VSTM5: variants seen among roughly 807,000 people sequenced by gnomAD.
VSTM5 encodes V-set and transmembrane domain containing 5, also known as V-set and transmembrane domain-containing protein 5.
A neutral mutation model predicts 20.3 loss-of-function variants in VSTM5; 21 were observed. That is an observed-to-expected ratio of 1.03 (90% CI 0.73 to 1.49). The LOEUF (loss-of-function observed/expected upper bound fraction) is 1.49, where lower values mean the gene tolerates loss of function less well. Ranked by LOEUF, VSTM5 falls within the 40% of genes most tolerant of loss-of-function variation. The probability of loss-of-function intolerance (pLI) is 0.00; values close to 1 mark genes in which losing one functional copy is unlikely to be tolerated. For missense variants in VSTM5, 219 were observed against 250.0 expected (o/e 0.88, Z 0.84); for synonymous variants, 100 against 102.5 (o/e 0.98, Z 0.14).
At chr11:93,826,944 T>G (rs559742726) in intron 1 of VSTM5, among the ~76,000 whole-genome samples, 5 of 152,314 alleles carry the variant, frequency 3.3e-5, no homozygotes, top group African/African-American at 9.6e-5. Context: ...AGGAAAGACA[T>G]TTGATATAAT....
chr11:93,840,060 C>T (rs996087374), intron 1 of VSTM5, among the ~76,000 whole-genome samples: 3 of 152,188 alleles, frequency 2.0e-5, no homozygotes, highest in Non-Finnish European at 4.4e-5. Context: ...GGAATAGTCC[C>T]TCTTACAGGC....
intron 1 of VSTM5, among the ~76,000 whole-genome samples, chr11:93,848,095 A>C (rs1158671930): frequency 6.6e-6 from 1 of 152,118 alleles, no homozygotes. Context: ...GAATATATGA[A>C]TCTTGGGAGG....
intron 1 of VSTM5, among the ~76,000 whole-genome samples, chr11:93,832,099 C>T (rs1286184136): frequency 6.6e-6 from 1 of 152,180 alleles, no homozygotes; most frequent in East Asian, 1.9e-4. Context: ...ATATGTGTCA[C>T]TGTTGTCATA....
chr11:93,838,664 G>A (rs1364424910), intron 1 of VSTM5, among the ~76,000 whole-genome samples: 1 of 149,378 alleles, frequency 6.7e-6, no homozygotes, highest in South Asian at 2.1e-4. Flanking sequence ...TGGGTGTGGC[G>A]CTGGCGCCTG....
At chr11:93,840,817 AGTGC>A (rs2135738046) in intron 1 of VSTM5, among the ~76,000 whole-genome samples, 1 of 152,294 alleles carries the variant, frequency 6.6e-6, no homozygotes, top group East Asian at 1.9e-4. Flanking sequence ...ATTTCTAACA[AGTGC>A]TTCTGAGGCA....
intron 1 of VSTM5, among the ~76,000 whole-genome samples, chr11:93,841,602 G>A (rs1944370664): frequency 6.6e-6 from 1 of 152,216 alleles, no homozygotes; most frequent in Admixed American, 6.5e-5. Context: ...GGGTGACACT[G>A]CTGGTGGTCC....
intron 1 of VSTM5, among the ~76,000 whole-genome samples, chr11:93,832,607 C>G (rs1944291502): frequency 6.6e-6 from 1 of 152,144 alleles, no homozygotes; most frequent in Admixed American, 6.5e-5. Context: ...GAGTCTGAGC[C>G]TTAGATTCTT....
chr11:93,839,492 A>G (rs1346520401), intron 1 of VSTM5, among the ~76,000 whole-genome samples: 2 of 152,214 alleles, frequency 1.3e-5, no homozygotes, highest in African/African-American at 2.4e-5. Context: ...TGTTTTCTTC[A>G]GGCATAAAGT....
intron 1 of VSTM5, among the ~76,000 whole-genome samples, chr11:93,841,452 T>C (rs1030450332): frequency 6.6e-6 from 1 of 152,254 alleles, no homozygotes; most frequent in African/African-American, 2.4e-5. Context: ...GCTTTCCTTC[T>C]GGTAACACCT....
chr11:93,826,363 TC>T (rs1487396241), intron 1 of VSTM5, among the ~76,000 whole-genome samples: 1 of 152,180 alleles, frequency 6.6e-6, no homozygotes, highest in Non-Finnish European at 1.5e-5. Context: ...TTCTAATACT[TC>T]CTTGAAGTGT....
chr11:93,820,522 A>C lies in VSTM5; in HGVS notation c.*47T>G. The C allele has an allele frequency of 6.5e-7, 1 of 1,548,694 alleles. No individual in the cohort carries two copies. Among genetic ancestry groups the C allele is most frequent in the Non-Finnish European group, 8.7e-7 (1 of 1,144,756 alleles). On this transcript the variant is annotated 3_prime_UTR_variant, in exon 4 of 4. Transcript: ENST00000409977. ...TAGCTGTGCTTGCTCTTTTTGTTGG[A>C]GAATGGTTTCCTCTTGAGGTAGGAA...
chr11:93,845,392 A>G (rs1944405271), intron 1 of VSTM5, among the ~76,000 whole-genome samples: 1 of 152,196 alleles, frequency 6.6e-6, no homozygotes, highest in Non-Finnish European at 1.5e-5. Flanking sequence ...GTGTCTCAGC[A>G]GAGAGAAAGC....
intron 1 of VSTM5, among the ~76,000 whole-genome samples, chr11:93,838,200 G>A (rs1433364533): frequency 2.0e-5 from 3 of 152,180 alleles, no homozygotes; most frequent in Non-Finnish European, 4.4e-5. Flanking sequence ...AGTCAGGCGT[G>A]GTGGCTCACG....
At chr11:93,850,268 G>T in intron 1 of VSTM5, 144 bp downstream of exon 1, 1 of 599,824 alleles carries the variant, frequency 1.7e-6, no homozygotes, top group Non-Finnish European at 2.7e-6. Context: ...GCGGCGCGGT[G>T]CCTGCCAGCC....
chr11:93,848,345 G>A (rs1195965017), intron 1 of VSTM5, among the ~76,000 whole-genome samples: 1 of 152,186 alleles, frequency 6.6e-6, no homozygotes, highest in Non-Finnish European at 1.5e-5. Flanking sequence ...TTTTAAGGGC[G>A]CAGGCCCTGG....
At chr11:93,821,462 T>A in intron 1 of VSTM5, 139 bp from the exon 2 acceptor site, 1 of 810,124 alleles carries the variant, frequency 1.2e-6, no homozygotes, top group Non-Finnish European at 1.9e-6. Context: ...TTCTGGTGCT[T>A]AAGCGATAAT....
intron 1 of VSTM5, among the ~76,000 whole-genome samples, chr11:93,838,651 A>G (rs948993378): frequency 9.0e-6 from 1 of 110,876 alleles, no homozygotes; most frequent in African/African-American, 3.3e-5. Flanking sequence ...AAAAAAAAAA[A>G]GCTGGGTGTG....
intron 1 of VSTM5, among the ~76,000 whole-genome samples, chr11:93,823,809 C>T (rs142962437): frequency 6.6e-5 from 10 of 150,452 alleles, no homozygotes; most frequent in Non-Finnish European, 1.3e-4. Flanking sequence ...CATGTCTTGG[C>T]TATTGTGAAT....
At chr11:93,840,645 C>G (rs1050109329) in intron 1 of VSTM5, among the ~76,000 whole-genome samples, 1 of 152,158 alleles carries the variant, frequency 6.6e-6, no homozygotes, top group African/African-American at 2.4e-5. Context: ...AACAGGCAGG[C>G]AAAGTCATTC....
Sources: gnomAD v4.1 joint callset for allele counts (sites outside exome capture counted in the v4.1 genomes callset) on GRCh38, gnomAD v4.1.1 for gene constraint, MANE v1.5 for transcripts, NCBI Gene and HGNC (gene_info 2026-07-23, HGNC 2026-07-21) for gene names.